Variants in PTPRD observed in about 807,000 individuals in gnomAD.
PTPRD encodes the protein protein tyrosine phosphatase receptor type D, also known as receptor-type tyrosine-protein phosphatase delta.
In PTPRD, 34 loss-of-function variants were observed where a neutral mutation model predicts 214.5. The observed-to-expected ratio is 0.16, with a 90% CI of 0.12 to 0.21. The LOEUF (loss-of-function observed/expected upper bound fraction) is 0.21. Ranked by LOEUF, PTPRD falls within the 10% of genes least tolerant of loss-of-function variation. The pLI is 1.00. For missense variants in PTPRD, 2,545 were observed against 2,398.7 expected (o/e 1.06, Z -1.27); for synonymous variants, 1,128 against 845.7 (o/e 1.33, Z -5.79).
At chr9:9,240,070 T>C (rs1011380909) in intron 9 of PTPRD, among the ~76,000 whole-genome samples, 16 of 152,072 alleles carry the variant, frequency 1.1e-4, no homozygotes, top group African/African-American at 3.9e-4. Flanking sequence ...CATGACCCAT[T>C]CAAGCACAAA....
chr9:10,350,636 G>C (rs1335339750), intron 2 of PTPRD, among the ~76,000 whole-genome samples: 2 of 152,092 alleles, frequency 1.3e-5, no homozygotes, highest in African/African-American at 4.8e-5. Context: ...CAGGATCTTG[G>C]TTAGTGGTCA....
chr9:8,693,238 T>A (rs1290668282), intron 12 of PTPRD, among the ~76,000 whole-genome samples: 1 of 152,202 alleles, frequency 6.6e-6, no homozygotes, highest in Non-Finnish European at 1.5e-5. Flanking sequence ...AAATCCTGTC[T>A]ACTTCCTGAA....
chr9:9,303,103 C>A (rs1310863182), intron 9 of PTPRD, among the ~76,000 whole-genome samples: 4 of 151,788 alleles, frequency 2.6e-5, no homozygotes, highest in Non-Finnish European at 5.9e-5. Flanking sequence ...CAAAAATTAC[C>A]CCCCAAATCA....
intron 7 of PTPRD, among the ~76,000 whole-genome samples, chr9:9,668,130 G>C (rs1318774517): frequency 6.6e-6 from 1 of 152,066 alleles, no homozygotes; most frequent in Non-Finnish European, 1.5e-5. Context: ...CGTATCATCT[G>C]AATAAGAAGC....
At chr9:8,619,691 C>G (rs889001696) in intron 14 of PTPRD, among the ~76,000 whole-genome samples, 2 of 151,814 alleles carry the variant, frequency 1.3e-5, no homozygotes, top group Non-Finnish European at 2.9e-5. Flanking sequence ...CACAGAAACT[C>G]AAGGACGATG....
chr9:10,092,977 A>G (rs925658740), intron 3 of PTPRD, among the ~76,000 whole-genome samples: 1 of 151,362 alleles, frequency 6.6e-6, no homozygotes, highest in East Asian at 1.9e-4. Flanking sequence ...ATTTAGATGT[A>G]AAACTTCAAA....
intron 12 of PTPRD, among the ~76,000 whole-genome samples, chr9:8,722,696 C>G (rs1179716508): frequency 6.6e-6 from 1 of 152,108 alleles, no homozygotes; most frequent in Non-Finnish European, 1.5e-5. Context: ...CCAATAACAG[C>G]CTTACTTTAC....
chr9:10,188,994 G>A (rs1414343320), intron 3 of PTPRD, among the ~76,000 whole-genome samples: 2 of 152,018 alleles, frequency 1.3e-5, no homozygotes, highest in Non-Finnish European at 2.9e-5. Context: ...TTACATGTAG[G>A]GTATTCCAGT....
chr9:8,786,033 TTGTGTGTGTGTG>T (rs34200290), intron 11 of PTPRD, among the ~76,000 whole-genome samples: 16 of 143,224 alleles, frequency 1.1e-4, no homozygotes, highest in African/African-American at 1.9e-4. Flanking sequence ...GCTTAATTTG[TTGTGTGTGTGTG>T]TGTGTGTGTG....
intron 14 of PTPRD, among the ~76,000 whole-genome samples, chr9:8,540,208 G>C (rs1037186970): frequency 1.3e-5 from 2 of 151,938 alleles, no homozygotes; most frequent in African/African-American, 2.4e-5. Flanking sequence ...GAAATATATA[G>C]ACTTATTCCC....
At chr9:9,218,403 A>T (rs2099953665) in intron 9 of PTPRD, among the ~76,000 whole-genome samples, 1 of 152,148 alleles carries the variant, frequency 6.6e-6, no homozygotes, top group South Asian at 2.1e-4. Context: ...TTAGATGAAA[A>T]TTTTACGGAG....
chr9:9,364,274 C>CACTG (rs2057211966), intron 9 of PTPRD, among the ~76,000 whole-genome samples: 1 of 151,324 alleles, frequency 6.6e-6, no homozygotes, highest in South Asian at 2.1e-4. Flanking sequence ...CATATACAGG[C>CACTG]ACTGTTCTAT....
At chr9:8,706,774 C>A (rs900538558) in intron 12 of PTPRD, among the ~76,000 whole-genome samples, 9 of 152,158 alleles carry the variant, frequency 5.9e-5, no homozygotes, top group Non-Finnish European at 1.3e-4. Flanking sequence ...TAATGCATTG[C>A]ATCTGCATAG....
chr9:9,725,814 T>A lies in PTPRD; in HGVS notation c.-287+8719A>T, dbSNP rs147406543. ...GGGGAACTGTAGGACATTTTTTCTT[T>A]ACAAGAGAATTCTTCTTTCAAGATA... On this transcript the variant is annotated intron_variant, in intron 7 of 45. Coordinates refer to ENST00000381196, the MANE Select transcript of PTPRD (RefSeq NM_002839.4). Among the ~76,000 whole-genome samples the A allele has an allele frequency of 1.7e-3, 253 of 152,278 alleles. 1 individual carries two copies. The highest frequency in any genetic ancestry group is 5.7e-3 in the African/African-American group (236 of 41,566).
intron 12 of PTPRD, among the ~76,000 whole-genome samples, chr9:8,644,080 G>A (rs930310936): frequency 2.6e-5 from 4 of 152,178 alleles, no homozygotes; most frequent in African/African-American, 4.8e-5. Flanking sequence ...CCAAAGCAAA[G>A]CAGATGGGAC....
At chr9:8,331,813 C>CA (rs1474356734) in intron 43 of PTPRD, 77 bp from the exon 44 acceptor site, 1 of 1,457,738 alleles carries the variant, frequency 6.9e-7, no homozygotes, top group Non-Finnish European at 9.1e-7. Flanking sequence ...ACCACAAGAA[C>CA]AATCATTTTC....
chr9:10,081,653 T>C (rs2098239868), intron 3 of PTPRD, among the ~76,000 whole-genome samples: 2 of 152,080 alleles, frequency 1.3e-5, no homozygotes, highest in Middle Eastern at 3.2e-3. Context: ...CTGTTGTTTA[T>C]GAACCACCCA....
At chr9:9,624,936 C>T (rs1338215858) in intron 7 of PTPRD, among the ~76,000 whole-genome samples, 1 of 151,830 alleles carries the variant, frequency 6.6e-6, no homozygotes, top group East Asian at 1.9e-4. Context: ...TTTTCTTTAA[C>T]ATTTGGTCAA....
chr9:8,777,686 A>C (rs2095539008), intron 11 of PTPRD, among the ~76,000 whole-genome samples: 2 of 152,202 alleles, frequency 1.3e-5, no homozygotes, highest in Admixed American at 1.3e-4. Context: ...CAGTGGTATG[A>C]AGGTCAGTGA....
Sources: gnomAD v4.1 joint callset for allele counts (sites outside exome capture counted in the v4.1 genomes callset) on GRCh38, gnomAD v4.1.1 for gene constraint, MANE v1.5 for transcripts, NCBI Gene and HGNC (gene_info 2026-07-23, HGNC 2026-07-21) for gene names.